NRIP1: variants seen among roughly 807,000 people sequenced by gnomAD.
The protein encoded by NRIP1 is nuclear receptor interacting protein 1, also known as nuclear receptor-interacting protein 1.
Under a neutral mutation model 75.0 loss-of-function variants are expected in NRIP1, and 28 were observed. That is an observed-to-expected ratio of 0.37 (90% CI 0.28 to 0.51). The LOEUF (loss-of-function observed/expected upper bound fraction) is 0.51. Among genes scored for constraint, NRIP1 ranks in the 20% least tolerant of loss-of-function variants. NRIP1 has a pLI of 0.92. For missense variants in NRIP1, 1,435 were observed against 1,343.7 expected, an observed-to-expected ratio of 1.07 and a Z score of -1.06; for synonymous variants, 526 against 487.6, an observed-to-expected ratio of 1.08 and a Z score of -1.04.
intron 3 of NRIP1, among the ~76,000 whole-genome samples, chr21:14,969,629 C>A (rs1258739983): frequency 6.6e-6 from 1 of 152,174 alleles, no homozygotes; most frequent in East Asian, 1.9e-4. Context: ...GATGCCAGAA[C>A]ATTTTGTTTA....
At chr21:14,980,236 T>A (rs1268782406) in intron 3 of NRIP1, among the ~76,000 whole-genome samples, 1 of 152,106 alleles carries the variant, frequency 6.6e-6, no homozygotes, top group Non-Finnish European at 1.5e-5. Context: ...CAACCTGTAA[T>A]CCCAGCACTC....
rs1257207363 is a variant in NRIP1, at chr21:14,962,028, T to TATATATA, written c.*2681_*2687dup. 5 of 146,526 alleles carry TATATATA rather than the reference T, an allele frequency of 3.4e-5. No homozygotes were observed. The highest frequency in any genetic ancestry group is 4.2e-4 in the South Asian group (2 of 4,738). 9.1% of individuals were successfully genotyped at this position (146,526 alleles called of 1,614,324 possible). ...TATATATACATATTATATATATATATATATATATATATATAAAATATATAC... is the reference window on the plus strand; with the variant it reads ...TATATATACATATTATATATATATATATATATAATATATATATATATAAAATATATAC... On this transcript the variant is annotated 3_prime_UTR_variant, in exon 4 of 4. Transcript: ENST00000318948.
At chr21:15,065,258 G>A (rs1020577353), upstream of NRIP1, among the ~76,000 whole-genome samples, 9 of 152,080 alleles carry the variant, frequency 5.9e-5, no homozygotes, top group Non-Finnish European at 2.9e-5. Context: ...CTCTCCGGGT[G>A]TCCCAGACGG....
Position 14,968,137 on chromosome 21 carries a change from G to T in NRIP1, c.56C>A (p.Thr19Asn). The T allele has an allele frequency of 6.2e-7, 1 of 1,613,894 alleles. No homozygotes were observed. The highest frequency in any genetic ancestry group is 1.1e-5 in the South Asian group (1 of 91,038). The change falls in exon 4 of 4, where the codon ACT (threonine) becomes AAT (asparagine). Residue 19 changes from threonine to asparagine, a missense_variant. By Grantham distance (65) the Thr-to-Asn change is moderately conservative. Coordinates refer to ENST00000318948, the MANE Select transcript of NRIP1 (RefSeq NM_003489.4). ...ATGCATTAGTAATCCTTCTAGGTAA[G>T]TTAAAACAATAGAATCCTGGTGCAC... Reference protein sequence around the residue: ...SDVHQDSIVLTYLEGLLMHQA... With the variant: ...SDVHQDSIVLNYLEGLLMHQA...
At chr21:15,032,102 A>T (rs909979094) in intron 2 of NRIP1, among the ~76,000 whole-genome samples, 1 of 152,216 alleles carries the variant, frequency 6.6e-6, no homozygotes, top group African/African-American at 2.4e-5. Flanking sequence ...CCTAAGTTCA[A>T]AGTGGAGGAA....
intron 2 of NRIP1, among the ~76,000 whole-genome samples, chr21:15,032,431 T>C (rs1829685670): frequency 6.6e-6 from 1 of 152,216 alleles, no homozygotes; most frequent in African/African-American, 2.4e-5. Flanking sequence ...TATACAGTAA[T>C]TGTTTAGTTA....
intron 3 of NRIP1, among the ~76,000 whole-genome samples, chr21:15,006,014 G>A (rs997391235): frequency 1.3e-5 from 2 of 151,542 alleles, no homozygotes; most frequent in East Asian, 4.1e-4. Flanking sequence ...TTTATCTCTA[G>A]AATTTTCATT....
intron 3 of NRIP1, among the ~76,000 whole-genome samples, chr21:14,976,616 T>C (rs1232195382): frequency 6.6e-6 from 1 of 152,188 alleles, no homozygotes; most frequent in African/African-American, 2.4e-5. Context: ...TTTTACATTT[T>C]CTGTTTGGAA....
intron 3 of NRIP1, among the ~76,000 whole-genome samples, chr21:14,997,854 T>C (rs1284929184): frequency 1.3e-5 from 2 of 152,000 alleles, no homozygotes; most frequent in Non-Finnish European, 2.9e-5. Context: ...ATTTTGCAGA[T>C]GGGGAAACTG....
At chr21:15,028,262 A>C (rs1247481445) in intron 2 of NRIP1, among the ~76,000 whole-genome samples, 11 of 152,218 alleles carry the variant, frequency 7.2e-5, no homozygotes, top group Admixed American at 7.2e-4. Context: ...CCTCTTCAAA[A>C]GAAAGGGAGT....
chr21:15,065,251 T>C (rs1978786631), upstream of NRIP1, among the ~76,000 whole-genome samples: 1 of 151,938 alleles, frequency 6.6e-6, no homozygotes, highest in South Asian at 2.1e-4. Context: ...TCGCCTGCTC[T>C]CCGGGTGTCC....
At chr21:15,043,813 TG>T (rs780972245) in intron 1 of NRIP1, among the ~76,000 whole-genome samples, 33 of 151,438 alleles carry the variant, frequency 2.2e-4, no homozygotes, top group Non-Finnish European at 3.8e-4. Flanking sequence ...ACTACCCAAT[TG>T]TTTTTTTGTT....
intron 3 of NRIP1, among the ~76,000 whole-genome samples, chr21:14,992,056 T>C (rs1392670394): frequency 6.6e-6 from 1 of 152,150 alleles, no homozygotes; most frequent in Non-Finnish European, 1.5e-5. Context: ...TTGTATGCTT[T>C]CAGACAGGTC....
intron 2 of NRIP1, among the ~76,000 whole-genome samples, chr21:15,035,047 G>A (rs759047120): frequency 1.3e-5 from 2 of 151,964 alleles, no homozygotes; most frequent in Non-Finnish European, 2.9e-5. Flanking sequence ...TCAAAAAACT[G>A]AAGCTCAGGT....
At chr21:14,989,495 TC>T (rs985342335) in intron 3 of NRIP1, among the ~76,000 whole-genome samples, 5 of 152,162 alleles carry the variant, frequency 3.3e-5, no homozygotes, top group Non-Finnish European at 7.4e-5. Flanking sequence ...TTGTTTTAAT[TC>T]CATAATCAGC....
chr21:15,024,348 G>T (rs748556484), intron 2 of NRIP1, among the ~76,000 whole-genome samples: 3 of 152,176 alleles, frequency 2.0e-5, no homozygotes, highest in South Asian at 2.1e-4. Flanking sequence ...TTCGAGACCA[G>T]CCTGGCCAAC....
chr21:14,999,317 C>T (rs1486889048), intron 3 of NRIP1, among the ~76,000 whole-genome samples: 1 of 152,064 alleles, frequency 6.6e-6, no homozygotes, highest in Non-Finnish European at 1.5e-5. Flanking sequence ...AATTTTAATA[C>T]CTTTCTTCAT....
At chr21:15,000,559 T>C (rs2087827477) in intron 3 of NRIP1, among the ~76,000 whole-genome samples, 2 of 152,216 alleles carry the variant, frequency 1.3e-5, no homozygotes, top group African/African-American at 2.4e-5. Context: ...TTATTAACCA[T>C]GTGCATGCCA....
At chr21:15,029,019 T>G (rs375194312) in intron 2 of NRIP1, among the ~76,000 whole-genome samples, 2 of 151,958 alleles carry the variant, frequency 1.3e-5, no homozygotes, top group African/African-American at 2.4e-5. Flanking sequence ...CACACCCACA[T>G]ACAATCTTTT....
Sources: gnomAD v4.1 joint callset for allele counts (sites outside exome capture counted in the v4.1 genomes callset) on GRCh38, gnomAD v4.1.1 for gene constraint, MANE v1.5 for transcripts, NCBI Gene and HGNC (gene_info 2026-07-23, HGNC 2026-07-21) for gene names.